Variants in MGAT4C observed in about 807,000 individuals in gnomAD.
The protein encoded by MGAT4C is alpha-1,3-mannosyl-glycoprotein 4-beta-N-acetylglucosaminyltransferase C.
Under a neutral mutation model 40.1 loss-of-function variants are expected in MGAT4C, and 19 were observed. The observed-to-expected ratio is 0.47, with a 90% CI of 0.33 to 0.70. The LOEUF (loss-of-function observed/expected upper bound fraction) is 0.70. Ranked by LOEUF, MGAT4C falls within the 30% of genes least tolerant of loss-of-function variation. The probability of loss-of-function intolerance (pLI) is 0.02; values close to 1 mark genes in which losing one functional copy is unlikely to be tolerated. For missense variants in MGAT4C, 491 were observed against 563.2 expected (o/e 0.87, Z 1.30); for synonymous variants, 181 against 187.1 (o/e 0.97, Z 0.27).
intron 2 of MGAT4C, among the ~76,000 whole-genome samples, chr12:86,490,745 A>G (rs1456987583): frequency 6.6e-6 from 1 of 152,206 alleles, no homozygotes; most frequent in African/African-American, 2.4e-5. Context: ...AAACAAAAAA[A>G]AGGCAGGGTT....
chr12:86,456,907 C>G (rs1463568023), intron 2 of MGAT4C, among the ~76,000 whole-genome samples: 1 of 152,026 alleles, frequency 6.6e-6, no homozygotes, highest in South Asian at 2.1e-4. Context: ...ATAATGTTTT[C>G]CAAAATGAAT....
chr12:86,022,982 G>A lies in MGAT4C; in HGVS notation c.-7+26692C>T, dbSNP rs546382377. ...TAAGAGTACAGCAAAAAAACAAAGT[G>A]ACATACAGAGTGTAACATTTCTATA... On this transcript the variant is annotated intron_variant, in intron 2 of 4. Transcript: ENST00000611864. Among the ~76,000 whole-genome samples, 463 of 152,102 alleles carry A rather than the reference G, an allele frequency of 3.0e-3. 1 individual carries two copies. Among genetic ancestry groups the A allele is most frequent in the Non-Finnish European group, 5.1e-3 (347 of 67,988 alleles).
At chr12:86,327,822 C>G (rs563712630) in intron 4 of MGAT4C, among the ~76,000 whole-genome samples, 1 of 152,154 alleles carries the variant, frequency 6.6e-6, no homozygotes, top group East Asian at 1.9e-4. Flanking sequence ...CAAAAGGTAT[C>G]TTTGCTGCAA....
chr12:86,764,082 A>G (rs1030636583), intron 1 of MGAT4C, among the ~76,000 whole-genome samples: 4 of 152,088 alleles, frequency 2.6e-5, no homozygotes, highest in African/African-American at 9.7e-5. Context: ...CCAGAAGCGC[A>G]AGGGGTCAGG....
rs970015209 is a variant in MGAT4C at position 86,683,540 on chromosome 12, G to T, written c.-229+43669C>A. ...TTCAATCCAAACTAAATTATGTTTG[G>T]ATATGAATGAGGCTGGAAAAAAACT... On this transcript the variant is annotated intron_variant, in intron 2 of 7. Transcript: ENST00000548651. Among the ~76,000 whole-genome samples the T allele has an allele frequency of 1.2e-4, 18 of 151,662 alleles. 1 individual carries two copies. The East Asian group carries it at 3.5e-3, about 30-fold the overall frequency.
intron 1 of MGAT4C, among the ~76,000 whole-genome samples, chr12:86,114,413 C>A (rs1592977334): frequency 6.6e-6 from 1 of 151,730 alleles, no homozygotes; most frequent in Middle Eastern, 3.4e-3. Context: ...GGTTTGCGAG[C>A]ATGACATGCA....
chr12:86,407,451 TA>T (rs1175910433), intron 3 of MGAT4C, among the ~76,000 whole-genome samples: 3 of 152,076 alleles, frequency 2.0e-5, no homozygotes, highest in African/African-American at 4.8e-5. Context: ...ATTCTTATTC[TA>T]AAAACAATGT....
At chr12:86,472,698 C>A (rs1957773238) in intron 2 of MGAT4C, among the ~76,000 whole-genome samples, 1 of 152,000 alleles carries the variant, frequency 6.6e-6, no homozygotes, top group Admixed American at 6.6e-5. Flanking sequence ...CTTTCCAGTA[C>A]AAACTAAGAT....
At chr12:86,388,943 C>T (rs1565725369) in intron 3 of MGAT4C, among the ~76,000 whole-genome samples, 1 of 152,080 alleles carries the variant, frequency 6.6e-6, no homozygotes. Context: ...CTCGGCCTCC[C>T]AAAGTGCTGA....
intron 1 of MGAT4C, among the ~76,000 whole-genome samples, chr12:86,062,595 T>C (rs1476047032): frequency 6.6e-6 from 1 of 151,960 alleles, no homozygotes; most frequent in East Asian, 1.9e-4. Context: ...TAAAGGAGCA[T>C]GTTCTAACCC....
intron 1 of MGAT4C, among the ~76,000 whole-genome samples, chr12:86,230,335 C>G (rs1951262382): frequency 1.3e-5 from 2 of 151,966 alleles, no homozygotes; most frequent in Non-Finnish European, 1.5e-5. Context: ...TATTAATGAA[C>G]AGCCCTACAC....
chr12:86,336,024 T>C (rs1269181006), intron 3 of MGAT4C, among the ~76,000 whole-genome samples: 3 of 152,200 alleles, frequency 2.0e-5, no homozygotes, highest in Non-Finnish European at 2.9e-5. Context: ...TGATAAATTC[T>C]TCTTACCAAC....
intron 2 of MGAT4C, among the ~76,000 whole-genome samples, chr12:86,537,479 T>A (rs1359403616): frequency 6.6e-6 from 1 of 151,908 alleles, no homozygotes; most frequent in African/African-American, 2.4e-5. Flanking sequence ...ACTCAGTAGA[T>A]TACCATATAA....
intron 1 of MGAT4C, among the ~76,000 whole-genome samples, chr12:86,738,617 C>T (rs1237469671): frequency 5.9e-5 from 9 of 151,302 alleles, no homozygotes; most frequent in South Asian, 4.1e-4. Context: ...CCAACTCATA[C>T]GAGGAGTGCG....
intron 1 of MGAT4C, among the ~76,000 whole-genome samples, chr12:86,743,396 T>C (rs1390496644): frequency 6.6e-6 from 1 of 151,628 alleles, no homozygotes; most frequent in Non-Finnish European, 1.5e-5. Flanking sequence ...ATATACATTT[T>C]ATATTTTAAA....
At chr12:86,180,723 T>C (rs935238254) in intron 1 of MGAT4C, among the ~76,000 whole-genome samples, 32 of 152,214 alleles carry the variant, frequency 2.1e-4, no homozygotes, top group Non-Finnish European at 3.4e-4. Context: ...GGAATGGCTA[T>C]ATGTACTCAA....
At chr12:86,281,705 T>C (rs749842621) in intron 4 of MGAT4C, among the ~76,000 whole-genome samples, 15 of 152,070 alleles carry the variant, frequency 9.9e-5, no homozygotes, top group Non-Finnish European at 2.1e-4. Flanking sequence ...ACTCCAACTT[T>C]TATAATGTAT....
At chr12:86,651,168 C>A (rs956113747) in intron 2 of MGAT4C, among the ~76,000 whole-genome samples, 1 of 151,692 alleles carries the variant, frequency 6.6e-6, no homozygotes, top group South Asian at 2.1e-4. Flanking sequence ...TGCTATCCAC[C>A]TTTTACAAAA....
At chr12:86,713,601 G>C (rs1420447454) in intron 2 of MGAT4C, among the ~76,000 whole-genome samples, 3 of 152,028 alleles carry the variant, frequency 2.0e-5, no homozygotes, top group Non-Finnish European at 4.4e-5. Flanking sequence ...GTAAAGTTAG[G>C]AAATGAATAG....
Sources: gnomAD v4.1 joint callset for allele counts (sites outside exome capture counted in the v4.1 genomes callset) on GRCh38, gnomAD v4.1.1 for gene constraint, MANE v1.5 for transcripts, NCBI Gene and HGNC (gene_info 2026-07-23, HGNC 2026-07-21) for gene names.